The following DTWD2 variants were observed in gnomAD, a reference collection of about 807,000 sequenced individuals.
The protein encoded by DTWD2 is DTW motif tRNA-uridine aminocarboxypropyltransferase 2.
A neutral mutation model predicts 31.8 loss-of-function variants in DTWD2; 39 were observed. The ratio of observed to expected loss-of-function variants is 1.22; its 90% confidence interval spans 0.95 to 1.60. The LOEUF (loss-of-function observed/expected upper bound fraction) is 1.60. DTWD2 is among the 40% of genes most tolerant of loss of function. The pLI, the probability that DTWD2 is intolerant of heterozygous loss-of-function variation, is 0.00. For missense variants in DTWD2, 515 were observed against 381.5 expected (o/e 1.35, Z -2.92); for synonymous variants, 180 against 142.8 (o/e 1.26, Z -1.86).
chr5:118,865,212 T>C (rs897832326), intron 4 of DTWD2, among the ~76,000 whole-genome samples: 5 of 152,206 alleles, frequency 3.3e-5, no homozygotes, highest in Non-Finnish European at 5.9e-5. Context: ...AGGCTGATTC[T>C]AGCTTCACTA....
intron 4 of DTWD2, among the ~76,000 whole-genome samples, chr5:118,852,802 A>C (rs779830075): frequency 3.5e-4 from 54 of 152,338 alleles, no homozygotes; most frequent in Admixed American, 1.9e-3. Flanking sequence ...CACTATTCAC[A>C]ATAGCAAAGG....
intron 4 of DTWD2, among the ~76,000 whole-genome samples, chr5:118,908,725 T>C (rs1368643079): frequency 6.6e-6 from 1 of 150,734 alleles, no homozygotes; most frequent in African/African-American, 2.4e-5. Flanking sequence ...AAAGAAAATG[T>C]AACCTGAAGA....
intron 4 of DTWD2, among the ~76,000 whole-genome samples, chr5:118,850,207 T>C (rs1751965166): frequency 2.0e-5 from 3 of 148,892 alleles, no homozygotes; most frequent in Admixed American, 1.4e-4. Context: ...CTCACACCTG[T>C]AATCCCAGCA....
At chr5:118,947,406 G>A (rs1431309866) in intron 1 of DTWD2, among the ~76,000 whole-genome samples, 2 of 152,204 alleles carry the variant, frequency 1.3e-5, no homozygotes, top group African/African-American at 4.8e-5. Flanking sequence ...AAGAGGGATG[G>A]AGCAGGAAGG....
chr5:118,855,919 T>C (rs915483015), intron 4 of DTWD2, among the ~76,000 whole-genome samples: 2 of 152,154 alleles, frequency 1.3e-5, no homozygotes, highest in Non-Finnish European at 1.5e-5. Context: ...TACAAAATTT[T>C]TAATATTTAT....
intron 4 of DTWD2, among the ~76,000 whole-genome samples, chr5:118,925,859 C>T (rs1245151086): frequency 6.6e-6 from 1 of 151,444 alleles, no homozygotes; most frequent in African/African-American, 2.4e-5. Context: ...AAAAAAAGAA[C>T]TAAAAGTAGA....
chr5:118,939,932 A>G (rs1289206004), intron 2 of DTWD2, among the ~76,000 whole-genome samples: 2 of 152,230 alleles, frequency 1.3e-5, no homozygotes, highest in Non-Finnish European at 2.9e-5. Flanking sequence ...GACTTAATAA[A>G]TAAATGGGGG....
At chr5:118,857,746 G>A (rs1295274599) in intron 4 of DTWD2, among the ~76,000 whole-genome samples, 2 of 152,172 alleles carry the variant, frequency 1.3e-5, no homozygotes, top group African/African-American at 2.4e-5. Flanking sequence ...ACACAGTGCT[G>A]GGCATGTGCC....
At chr5:118,886,089 C>G (rs1752861813) in intron 4 of DTWD2, among the ~76,000 whole-genome samples, 1 of 152,214 alleles carries the variant, frequency 6.6e-6, no homozygotes, top group Non-Finnish European at 1.5e-5. Flanking sequence ...CCACTTTAAT[C>G]TGGTTTATGT....
At chr5:118,854,545 T>C (rs1292147414) in intron 4 of DTWD2, among the ~76,000 whole-genome samples, 1 of 152,100 alleles carries the variant, frequency 6.6e-6, no homozygotes, top group African/African-American at 2.4e-5. Context: ...AATAAACATG[T>C]AATTTTTTAA....
intron 4 of DTWD2, among the ~76,000 whole-genome samples, chr5:118,885,387 G>A (rs1752838791): frequency 6.7e-6 from 1 of 148,992 alleles, no homozygotes; most frequent in Admixed American, 6.8e-5. Context: ...GGGAGGTGGA[G>A]GTAGCAGCGA....
At chr5:118,882,988 G>T (rs567187009) in intron 4 of DTWD2, among the ~76,000 whole-genome samples, 6 of 152,292 alleles carry the variant, frequency 3.9e-5, no homozygotes, top group Admixed American at 2.6e-4. Flanking sequence ...TGGTCAGGCC[G>T]CAAATTTTCC....
At chr5:118,980,994 G>A (rs1278221612) in intron 1 of DTWD2, among the ~76,000 whole-genome samples, 2 of 152,096 alleles carry the variant, frequency 1.3e-5, no homozygotes, top group East Asian at 1.9e-4. Flanking sequence ...ACAAAATGTG[G>A]TTATACACAT....
At chr5:118,844,045 A>G (rs1472230375) in intron 5 of DTWD2, among the ~76,000 whole-genome samples, 1 of 152,254 alleles carries the variant, frequency 6.6e-6, no homozygotes, top group East Asian at 1.9e-4. Flanking sequence ...TTCCTCCATC[A>G]GGTTGGGTGC....
intron 1 of DTWD2, among the ~76,000 whole-genome samples, chr5:118,969,880 T>C (rs1168689278): frequency 6.6e-6 from 1 of 152,056 alleles, no homozygotes; most frequent in Non-Finnish European, 1.5e-5. Flanking sequence ...AATAAAAAGC[T>C]TCACTGAGCT....
chr5:118,887,025 C>CCT (rs1177357905), intron 4 of DTWD2, among the ~76,000 whole-genome samples: 1 of 152,070 alleles, frequency 6.6e-6, no homozygotes, highest in African/African-American at 2.4e-5. Flanking sequence ...CATTCAGGAT[C>CCT]CTCTCCCAAA....
chr5:118,982,536 C>T (rs1286676013), intron 1 of DTWD2, among the ~76,000 whole-genome samples: 1 of 151,938 alleles, frequency 6.6e-6, no homozygotes, highest in Non-Finnish European at 1.5e-5. Flanking sequence ...ATTTTCTATA[C>T]TAACAGGAAA....
intron 4 of DTWD2, among the ~76,000 whole-genome samples, chr5:118,906,749 T>C (rs993420258): frequency 2.0e-5 from 3 of 152,150 alleles, no homozygotes; most frequent in African/African-American, 7.2e-5. Context: ...GAGCAACGGA[T>C]ATCTTCATTA....
chr5:118,852,015 G>A (rs1580766402), intron 4 of DTWD2, among the ~76,000 whole-genome samples: 2 of 152,204 alleles, frequency 1.3e-5, no homozygotes, highest in South Asian at 4.2e-4. Flanking sequence ...CAGAGTGGCG[G>A]TTTATAGACC....
Sources: allele counts gnomAD v4.1 joint callset (sites outside exome capture counted in the v4.1 genomes callset), GRCh38; gene constraint gnomAD v4.1.1; transcripts MANE v1.5; gene names NCBI Gene and HGNC (gene_info 2026-07-23, HGNC 2026-07-21).